SLC25A48: variants seen among roughly 807,000 people sequenced by gnomAD.
The protein encoded by SLC25A48 is solute carrier family 25 member 48.
SLC25A48 carries 29 observed loss-of-function variants against 32.2 expected under a neutral mutation model. The ratio of observed to expected loss-of-function variants is 0.90; its 90% CI spans 0.67 to 1.23. The LOEUF (loss-of-function observed/expected upper bound fraction) is 1.23, where lower values mean the gene tolerates loss of function less well. Ranked by LOEUF, SLC25A48 falls within the 50% of genes most tolerant of loss-of-function variation. The pLI, the probability that SLC25A48 is intolerant of heterozygous loss-of-function variation, is 0.00. For missense variants in SLC25A48, 399 were observed against 422.7 expected (o/e 0.94, Z 0.49); for synonymous variants, 164 against 172.3 (o/e 0.95, Z 0.38).
intron 7 of SLC25A48, among the ~76,000 whole-genome samples, chr5:135,886,299 C>G (rs1408062277): frequency 7.0e-6 from 1 of 142,044 alleles, no homozygotes; most frequent in Non-Finnish European, 1.5e-5. Flanking sequence ...CCCTGCCACA[C>G]CCCCTCCCCC....
chr5:135,818,113 CTCTCT>C (rs1757786064), intron 4 of SLC25A48, among the ~76,000 whole-genome samples: 1 of 116,556 alleles, frequency 8.6e-6, no homozygotes, highest in Non-Finnish European at 1.8e-5. Context: ...CTCTCTCTCT[CTCTCT>C]CCCTCTGTTT....
At chr5:135,694,737 C>T (rs1580791401) in intron 3 of SLC25A48, among the ~76,000 whole-genome samples, 1 of 152,210 alleles carries the variant, frequency 6.6e-6, no homozygotes, top group East Asian at 1.9e-4. Context: ...CGGGCACATG[C>T]CACCATGCCT....
At chr5:135,668,891 C>A (rs780897668) in intron 3 of SLC25A48, among the ~76,000 whole-genome samples, 4 of 152,176 alleles carry the variant, frequency 2.6e-5, no homozygotes, top group Non-Finnish European at 5.9e-5. Context: ...CTGGGAGGGG[C>A]TTTCTGGGAA....
At chr5:135,592,450 G>A (rs1223607734) in intron 1 of SLC25A48, among the ~76,000 whole-genome samples, 1 of 152,168 alleles carries the variant, frequency 6.6e-6, no homozygotes, top group Non-Finnish European at 1.5e-5. Context: ...TTAGTACCAG[G>A]ACTGTATCTG....
At chr5:135,749,457 C>G (rs1486552863) in intron 3 of SLC25A48, among the ~76,000 whole-genome samples, 1 of 152,130 alleles carries the variant, frequency 6.6e-6, no homozygotes, top group Non-Finnish European at 1.5e-5. Flanking sequence ...TTCCCAGGCC[C>G]CATCCCTGGC....
chr5:135,848,760 A>G (rs1007114131), intron 2 of SLC25A48, among the ~76,000 whole-genome samples: 1 of 152,204 alleles, frequency 6.6e-6, no homozygotes, highest in African/African-American at 2.4e-5. Flanking sequence ...TGGTTGAGTG[A>G]GTCAATAAAC....
intron 3 of SLC25A48, among the ~76,000 whole-genome samples, chr5:135,783,849 C>T (rs1440126315): frequency 8.5e-6 from 1 of 118,116 alleles, no homozygotes; most frequent in Non-Finnish European, 2.1e-5. Context: ...TCGCTGGGAG[C>T]GAACACTTTC....
At chr5:135,789,822 C>T (rs1056214149) in intron 3 of SLC25A48, among the ~76,000 whole-genome samples, 1 of 151,942 alleles carries the variant, frequency 6.6e-6, no homozygotes, top group African/African-American at 2.4e-5. Context: ...GTAATATCTA[C>T]ATTGGAATAA....
intron 3 of SLC25A48, among the ~76,000 whole-genome samples, chr5:135,769,187 TG>T (rs942129947): frequency 3.0e-5 from 4 of 132,602 alleles, no homozygotes; most frequent in South Asian, 2.6e-4. Flanking sequence ...ATAATATTTA[TG>T]GGGGGAAAGG....
chr5:135,723,540 A>G (rs1171676815), intron 3 of SLC25A48, among the ~76,000 whole-genome samples: 4 of 94,716 alleles, frequency 4.2e-5, no homozygotes, highest in African/African-American at 1.4e-4. Flanking sequence ...TTTTTTTTTC[A>G]CTAAAAAAAA....
Position 135,769,833 on chromosome 5 carries a change from C to T in SLC25A48, c.-520-42690C>T, listed in dbSNP as rs140952224. Among the ~76,000 whole-genome samples the T allele has an allele frequency of 5.9e-4, 89 of 151,558 alleles. 2 individuals are homozygous for T. The East Asian group carries it at 0.014, about 23-fold the overall frequency. ...CCAACATCGCAGGGAGTTTACACCC[C>T]CTGTGATATTGTTCGTAATATCCAT... On this transcript the variant is annotated intron_variant, in intron 3 of 10. Coordinates refer to the SLC25A48 transcript ENST00000646290.
intron 3 of SLC25A48, among the ~76,000 whole-genome samples, chr5:135,808,461 C>A (rs1757518953): frequency 6.6e-6 from 1 of 152,038 alleles, no homozygotes; most frequent in South Asian, 2.1e-4. Flanking sequence ...TCCCTCACCT[C>A]CCCCCTCACT....
chr5:135,616,875 G>T (rs1416469397), intron 1 of SLC25A48, among the ~76,000 whole-genome samples: 1 of 152,158 alleles, frequency 6.6e-6, no homozygotes, highest in Admixed American at 6.5e-5. Flanking sequence ...ATTTTGTTAA[G>T]AAGTTTTATT....
At chr5:135,758,173 A>T (rs1363393941) in intron 3 of SLC25A48, among the ~76,000 whole-genome samples, 1 of 150,736 alleles carries the variant, frequency 6.6e-6, no homozygotes, top group Non-Finnish European at 1.5e-5. Flanking sequence ...CATCTCTATA[A>T]TATTTGTAAT....
At chr5:135,879,947 T>G in intron 6 of SLC25A48, 21 bp from the exon 7 acceptor site, 1 of 1,535,984 alleles carries the variant, frequency 6.5e-7, no homozygotes, top group Non-Finnish European at 8.7e-7. Context: ...TCCCCTGCAA[T>G]AACCTGGCCC....
chr5:135,649,753 A>C (rs1295181282), intron 3 of SLC25A48: 2 of 153,144 alleles, frequency 1.3e-5, no homozygotes, highest in African/African-American at 4.8e-5. Context: ...GAAGATGCAC[A>C]TGCAGGGTTT....
At chr5:135,657,396 A>C (rs1041529464) in intron 3 of SLC25A48, among the ~76,000 whole-genome samples, 1 of 152,282 alleles carries the variant, frequency 6.6e-6, no homozygotes, top group African/African-American at 2.4e-5. Context: ...TATGAAAGTC[A>C]AATGTTTGTG....
chr5:135,814,588 C>T (rs1406769429), intron 4 of SLC25A48, among the ~76,000 whole-genome samples: 1 of 152,284 alleles, frequency 6.6e-6, no homozygotes, highest in Middle Eastern at 3.4e-3. Flanking sequence ...AGCAAGCATG[C>T]TTTTCCTGCA....
At chr5:135,726,921 A>G (rs1755103291) in intron 3 of SLC25A48, among the ~76,000 whole-genome samples, 1 of 152,150 alleles carries the variant, frequency 6.6e-6, no homozygotes, top group Admixed American at 6.5e-5. Context: ...TATTTTCACC[A>G]GCAATGTATG....
Sources: gnomAD v4.1 joint callset for allele counts (sites outside exome capture counted in the v4.1 genomes callset) on GRCh38, gnomAD v4.1.1 for gene constraint, MANE v1.5 for transcripts, NCBI Gene and HGNC (gene_info 2026-07-23, HGNC 2026-07-21) for gene names.